The following TMEM231 variants were observed in gnomAD, a reference collection of about 807,000 sequenced individuals.
The protein encoded by TMEM231 is transmembrane protein 231.
A neutral mutation model predicts 38.5 loss-of-function variants in TMEM231; 40 were observed. The observed-to-expected ratio is 1.04, with a 90% CI of 0.81 to 1.35. The LOEUF (loss-of-function observed/expected upper bound fraction) is 1.35, where lower values mean the gene tolerates loss of function less well. Among genes scored for constraint, TMEM231 ranks in the 40% most tolerant of loss-of-function variants. The pLI is 0.00. For missense variants in TMEM231, 420 were observed against 416.9 expected, an observed-to-expected ratio of 1.01 and a Z score of -0.07; for synonymous variants, 199 against 181.7, an observed-to-expected ratio of 1.10 and a Z score of -0.77.
rs1205589689 is a variant in TMEM231 at position 75,545,974 on chromosome 16, C to A, written c.310-20G>T. On this transcript the variant is annotated intron_variant, in intron 2 of 6. Coordinates refer to ENST00000258173, the MANE Select transcript of TMEM231 (RefSeq NM_001077418.3). ...TCTAGTCTAGGAAACCCAAACAGGC[C>A]CAGCAGCCCTGGTCACTAATGAGTC... 4.5e-6 allele frequency: 7 copies of A among 1,549,648 alleles called. No individual in the cohort carries two copies. In the African/African-American group the frequency reaches 5.5e-5, roughly 12 times the overall value.
At position 75,539,260 on chromosome 16, in the gene TMEM231, T is replaced by G. The variant is rs1485982607; in HGVS notation, c.*734A>C. 1 of 152,188 alleles carries G rather than the reference T, an allele frequency of 6.6e-6. No individual in the cohort carries two copies. Among genetic ancestry groups the G allele is most frequent in the Non-Finnish European group, 1.5e-5 (1 of 68,050 alleles). 9.4% of individuals were successfully genotyped at this position (152,188 alleles called of 1,614,324 possible). On this transcript the variant is annotated 3_prime_UTR_variant, in exon 7 of 7. Transcript: ENST00000258173. ...AGGGGGCTGAGAATGAAACAGCCCCTCTGACTTCAGCCTGCCATCCAGGGG... is the reference window on the plus strand; with the variant it reads ...AGGGGGCTGAGAATGAAACAGCCCCGCTGACTTCAGCCTGCCATCCAGGGG...
intron 4 of TMEM231, among the ~76,000 whole-genome samples, chr16:75,544,678 T>C (rs572412089): frequency 1.3e-5 from 2 of 152,344 alleles, no homozygotes; most frequent in East Asian, 3.9e-4. Context: ...ACATTTTACA[T>C]CATCATTTTA....
intron 2 of TMEM231, among the ~76,000 whole-genome samples, chr16:75,552,175 T>C (rs11642669): frequency 0.26 from 38,845 of 151,924 alleles, 5,084 homozygotes; most frequent in Middle Eastern, 0.33. Context: ...AAAATTCAGC[T>C]GGGCATGGTG....
At chr16:75,547,136 G>C (rs184135669) in intron 2 of TMEM231, among the ~76,000 whole-genome samples, 68 of 152,276 alleles carry the variant, frequency 4.5e-4, no homozygotes, top group African/African-American at 1.6e-3. Flanking sequence ...GCACAACTCT[G>C]GATCTTTTTG....
intron 2 of TMEM231, among the ~76,000 whole-genome samples, chr16:75,552,011 G>A (rs573540181): frequency 9.9e-5 from 15 of 151,616 alleles, no homozygotes; most frequent in African/African-American, 3.6e-4. Context: ...AAAATAAATT[G>A]ATTCAGGGAT....
intron 4 of TMEM231, among the ~76,000 whole-genome samples, chr16:75,544,949 C>CTTCTTTT (rs2080666559): frequency 5.2e-4 from 47 of 89,596 alleles, no homozygotes; most frequent in Non-Finnish European, 8.2e-4. Context: ...TTTTCTTTTT[C>CTTCTTTT]TTTTTTTTTT....
intron 2 of TMEM231, among the ~76,000 whole-genome samples, chr16:75,550,292 T>C (rs762276192): frequency 1.3e-5 from 2 of 152,174 alleles, no homozygotes; most frequent in Non-Finnish European, 2.9e-5. Context: ...TTGAAGCCGG[T>C]AGGAGAGGCG....
At chr16:75,556,257 T>A, upstream of TMEM231, 8 of 1,381,744 alleles carry the variant, frequency 5.8e-6, no homozygotes, top group African/African-American at 1.5e-5. Flanking sequence ...AAGTTTGGCT[T>A]CTCCTGGTTG....
At chr16:75,547,108 T>C (rs2080701976) in intron 2 of TMEM231, among the ~76,000 whole-genome samples, 1 of 152,210 alleles carries the variant, frequency 6.6e-6, no homozygotes, top group Non-Finnish European at 1.5e-5. Context: ...AAGTGATCAC[T>C]GCTGACATGG....
Position 75,555,818 on chromosome 16 carries a change from C to T in TMEM231, c.295G>A (p.Val99Ile). The part of the protein sequence containing the change: ...FNRLQGDRLR[V>I]PLVSTREEDR... ...GAACCACGCACCGAAACGAGCGGGA[C>T]GCGCAGGCGATCCCCTTGCAGCCGG... The change falls in exon 2 of 7, where the codon GTC becomes ATC. Residue 99 changes from valine (V) to isoleucine (I), a missense_variant. Physicochemically the swap from Val to Ile is conservative, Grantham distance 29. Coordinates refer to ENST00000258173, the MANE Select transcript of TMEM231 (RefSeq NM_001077418.3). 4 of 1,549,028 alleles carry T rather than the reference C, an allele frequency of 2.6e-6. No individual in the cohort carries two copies. Among genetic ancestry groups the T allele is most frequent in the Non-Finnish European group, 2.6e-6 (3 of 1,146,096 alleles).
chr16:75,548,356 A>G (rs929740054), intron 2 of TMEM231, among the ~76,000 whole-genome samples: 1 of 152,212 alleles, frequency 6.6e-6, no homozygotes, highest in African/African-American at 2.4e-5. Flanking sequence ...CAACACCATC[A>G]ATAGTGTCTA....
In TMEM231 at chr16:75,538,883, T is replaced by C. The variant is rs1449825300; in HGVS notation, c.*1111A>G. 1 of 152,352 alleles carries C rather than the reference T, an allele frequency of 6.6e-6. No individual in the cohort carries two copies. The highest frequency in any genetic ancestry group is 6.5e-5 in the Admixed American group (1 of 15,290). The allele number at this position is 152,352 out of a possible 1,614,324, so 9.4% of individuals were successfully genotyped here. On this transcript the variant is annotated 3_prime_UTR_variant, in exon 7 of 7. Coordinates refer to ENST00000258173, the MANE Select transcript of TMEM231 (RefSeq NM_001077418.3). ...TTGCTTAGCCACGAGGGTAATCCAC[T>C]GGACTGCTTGGTATTCTGCTAGTGG... is the stretch of plus-strand genomic sequence containing the variant.
At chr16:75,548,768 C>G (rs1177716932) in intron 2 of TMEM231, among the ~76,000 whole-genome samples, 1 of 152,112 alleles carries the variant, frequency 6.6e-6, no homozygotes, top group African/African-American at 2.4e-5. Context: ...ACTAGGGAGG[C>G]TGAGGCAGGA....
rs1349670318 is a variant in TMEM231, at chr16:75,537,824, CAG to C, written c.*2168_*2169del. ...TACCTCTTGCAGCTATGCTGTGATT[CAG>C]AGTCAGAAACTATCAACATCTGGTC... On this transcript the variant is annotated 3_prime_UTR_variant, in exon 7 of 7. Coordinates refer to ENST00000258173, the MANE Select transcript of TMEM231 (RefSeq NM_001077418.3). 6.6e-6 allele frequency: 1 copy of C among 152,176 alleles called. No homozygotes were observed. Among genetic ancestry groups the C allele is most frequent in the Non-Finnish European group, 1.5e-5 (1 of 68,036 alleles). The allele number at this position is 152,176 out of a possible 1,614,324, so 9.4% of individuals were successfully genotyped here. A position where few individuals can be genotyped will look rare whatever the true frequency, so the allele number is the denominator to read the frequency against.
intron 5 of TMEM231, chr16:75,541,845 C>G (rs1390353087): frequency 6.4e-6 from 1 of 155,162 alleles, no homozygotes; most frequent in African/African-American, 2.4e-5. Context: ...ATAAAAAGAT[C>G]TGCAGAAGGC....
At chr16:75,542,163 A>T (rs1483010535) in intron 5 of TMEM231, 1 of 175,216 alleles carries the variant, frequency 5.7e-6, no homozygotes, top group African/African-American at 2.4e-5. Context: ...TTCTGGCAGG[A>T]AACAGGGGCA....
rs751003462 is a variant in TMEM231, at chr16:75,539,999, A to T, written c.946T>A (p.Ser316Thr). ...AGTCTTCAGAAATGGCCTTTCTAGG[A>T]TAAGTGCTCCTTACACAAGTCTCCC... Reference protein sequence around the residue: ...PRGDLCKEHLS With the variant: ...PRGDLCKEHLT Residue 316 changes from serine to threonine, a missense_variant, in exon 7 of 7, where the codon TCC (serine) becomes ACC (threonine). Transcript: ENST00000258173. 2 of 1,609,922 alleles carry T rather than the reference A, an allele frequency of 1.2e-6. No homozygotes were observed. The highest frequency in any genetic ancestry group is 1.1e-5 in the South Asian group (1 of 90,336).
chr16:75,556,221 G>A lies in TMEM231; in HGVS notation c.-12C>T. On this transcript the variant is annotated 5_prime_UTR_variant, in exon 1 of 7. Transcript: ENST00000258173. ...TCATAGAGCGCCATGAGCACCGCTC[G>A]CAGGCACTCCGCGAGCCGGGGGACC... The A allele has an allele frequency of 7.1e-7, 1 of 1,399,102 alleles. No individual in the cohort carries two copies. The allele number at this position is 1,399,102 out of a possible 1,614,324, so 86.7% of individuals were successfully genotyped here.
intron 1 of TMEM231, 47 bp downstream of exon 1, chr16:75,556,024 G>A: frequency 2.5e-6 from 4 of 1,569,676 alleles, no homozygotes; most frequent in African/African-American, 1.4e-5. Context: ...GGCCCTGGCC[G>A]AGCGCGCCCG....
Sources: gnomAD v4.1 joint callset for allele counts (sites outside exome capture counted in the v4.1 genomes callset) on GRCh38, gnomAD v4.1.1 for gene constraint, MANE v1.5 for transcripts, NCBI Gene and HGNC (gene_info 2026-07-23, HGNC 2026-07-21) for gene names.